The following CD101 variants were observed in gnomAD, a reference collection of about 807,000 sequenced individuals.
CD101 encodes the protein CD101 molecule.
In CD101, 76 loss-of-function variants were observed where a neutral mutation model predicts 98.2. The ratio of observed to expected loss-of-function variants is 0.77; its 90% CI spans 0.64 to 0.94. The LOEUF (loss-of-function observed/expected upper bound fraction) is 0.94. Among genes scored for constraint, CD101 ranks in the 40% least tolerant of loss-of-function variants. The pLI is 0.00. For synonymous variants in CD101, 471 were observed against 472.7 expected (o/e 1.00, Z 0.05); for missense variants, 1,145 against 1,218.8 (o/e 0.94, Z 0.90).
At position 117,006,470 on chromosome 1, in the gene CD101, T is replaced by A. The variant is rs767976068; in HGVS notation, c.44-3380T>A. On this transcript the variant is annotated intron_variant, in intron 1 of 9. Transcript: ENST00000682167. The surrounding 1 kb of genome is among the most constrained non-coding windows in gnomAD (Gnocchi z 4.4). ...AATGTGATAGTCAAGTCCTTTCTGCTCTGGACCCAAAAATTGCTGTCCAGT... is the reference window on the plus strand; with the variant it reads ...AATGTGATAGTCAAGTCCTTTCTGCACTGGACCCAAAAATTGCTGTCCAGT... 2.0e-5 allele frequency among the ~76,000 whole-genome samples: 3 copies of A among 152,196 alleles called. No homozygotes were observed. Among genetic ancestry groups the A allele is most frequent in the Non-Finnish European group, 2.9e-5 (2 of 68,042 alleles).
In CD101 at chr1:117,012,195, A is replaced by G. The variant is rs183010665; in HGVS notation, c.841+229A>G. On this transcript the variant is annotated intron_variant, in intron 3 of 9. Transcript: ENST00000682167. The surrounding 1 kb of genome is among the most constrained non-coding windows in gnomAD (Gnocchi z 4.0). ...GGGATAAGGTCTACTGAGTGGCTAG[A>G]TCGATTCCACAAGCCAGTCATGGAA... 3.9e-3 allele frequency among the ~76,000 whole-genome samples: 600 copies of G among 152,310 alleles called. 8 individuals are homozygous for G. Among genetic ancestry groups the G allele is most frequent in the African/African-American group, 0.013 (532 of 41,568 alleles).
At chr1:117,009,342 A>G (rs1017168787) in intron 1 of CD101, among the ~76,000 whole-genome samples, 3 of 152,252 alleles carry the variant, frequency 2.0e-5, no homozygotes, top group Admixed American at 2.0e-4. Context: ...GTCTTGCAAC[A>G]GACCTGGCTA....
Position 117,011,839 on chromosome 1 carries a change from G to C in CD101, c.714G>C (p.Arg238Ser), listed in dbSNP as rs1456366383. The change falls in exon 3 of 10, where the codon AGG becomes AGC. Residue 238 changes from arginine (R) to serine (S), a missense_variant. Coordinates refer to ENST00000682167, the MANE Select transcript of CD101 (RefSeq NM_001256106.3). ...GPTTFRLSIERLQSSDQGQLF... is the reference protein window; with the variant it reads ...GPTTFRLSIESLQSSDQGQLF... ...CTACATTCAGGCTGTCCATAGAGAG[G>C]CTCCAGTCCTCAGATCAGGGTCAGC... 5 of 1,614,122 alleles carry C rather than the reference G, an allele frequency of 3.1e-6. No homozygotes were observed. The highest frequency in any genetic ancestry group is 3.4e-6 in the Non-Finnish European group (4 of 1,180,020).
intron 4 of CD101, among the ~76,000 whole-genome samples, chr1:117,016,697 G>A (rs1653240093): frequency 6.6e-6 from 1 of 152,092 alleles, no homozygotes; most frequent in South Asian, 2.1e-4. Context: ...TATCTCTACA[G>A]AAAATTTAAA....
In CD101 at chr1:117,010,027, G is replaced by C. The variant is rs769857353; in HGVS notation, c.221G>C (p.Ser74Thr). Residue 74 changes from serine to threonine, a missense_variant, in exon 2 of 10, where the codon AGC becomes ACC. By Grantham distance (58) the Ser-to-Thr change is moderately conservative. Transcript: ENST00000682167. The surrounding 1 kb of genome is among the most constrained non-coding windows in gnomAD (Gnocchi z 5.2). ...TNPTQEVQIISTKDAAFSYAV... is the reference protein window; with the variant it reads ...TNPTQEVQIITTKDAAFSYAV... ...CCGACCCAGGAAGTCCAGATCATTAGCACCAAGGATGCTGCCTTCTCTTAC... is the reference window on the plus strand; with the variant it reads ...CCGACCCAGGAAGTCCAGATCATTACCACCAAGGATGCTGCCTTCTCTTAC... 2 of 1,614,196 alleles carry C rather than the reference G, an allele frequency of 1.2e-6. No homozygotes were observed. The highest frequency in any genetic ancestry group is 4.5e-5 in the East Asian group (2 of 44,886).
Position 117,010,223 on chromosome 1 carries a change from T to C in CD101, c.417T>C (p.Asn139=), listed in dbSNP as rs1652807626. 6.2e-7 allele frequency: 1 copy of C among 1,606,746 alleles called. No individual in the cohort carries two copies. Among genetic ancestry groups the C allele is most frequent in the Non-Finnish European group, 8.5e-7 (1 of 1,174,488 alleles). Residue 139 remains asparagine (N), a synonymous_variant, in exon 2 of 10, where the codon AAT becomes AAC. Coordinates refer to ENST00000682167, the MANE Select transcript of CD101 (RefSeq NM_001256106.3). This position sits in a 1 kb window ranked among gnomAD's most constrained non-coding sequence, Gnocchi z 5.2. ...ATGGAAGTTACAGTGCAAAGACTAA[T>C]CTAATTGGTAAGTTGCTTGTCCACT... ...KYYGSYSAKT[N]LIVIPDTLSA...
At position 117,017,070 on chromosome 1, in the gene CD101, C is replaced by T. The variant is rs1462573283; in HGVS notation, c.1229-20C>T. The stretch of plus-strand genomic sequence containing the variant: ...ATTTACCTAAAACAGTTTTGTTCTT[C>T]TATAATCTGTAACTCACAGCAAGAA... On this transcript the variant is annotated intron_variant, in intron 4 of 9. Transcript: ENST00000682167. 6.2e-7 allele frequency: 1 copy of T among 1,603,966 alleles called. No homozygotes were observed. Among genetic ancestry groups the T allele is most frequent in the Admixed American group, 1.7e-5 (1 of 59,354 alleles).
Position 117,021,557 on chromosome 1 carries a change from A to G in CD101, c.2018-16A>G, listed in dbSNP as rs753661921. 3.2e-6 allele frequency: 5 copies of G among 1,546,390 alleles called. No individual in the cohort carries two copies. The highest frequency in any genetic ancestry group is 4.3e-6 in the Non-Finnish European group (5 of 1,152,124). ...TATTTCATAGCAAAGTAACTGTTTC[A>G]TTTTTTTAAATTTAGAGAGCAAGCT... On this transcript the variant is annotated splice_polypyrimidine_tract_variant and intron_variant, in intron 6 of 9. Coordinates refer to ENST00000682167, the MANE Select transcript of CD101 (RefSeq NM_001256106.3). This position sits in a 1 kb window ranked among gnomAD's most constrained non-coding sequence, Gnocchi z 4.7.
At chr1:117,034,202 C>A (rs928398202) in intron 9 of CD101, 68 bp downstream of exon 9, 3 of 1,432,828 alleles carry the variant, frequency 2.1e-6, no homozygotes, top group South Asian at 2.6e-5. Flanking sequence ...ACTATGTCTG[C>A]GGCCTTGGGC....
chr1:117,017,272 C>T lies in CD101; in HGVS notation c.1411C>T (p.Leu471=), dbSNP rs1487022059. 6.2e-7 allele frequency: 1 copy of T among 1,614,214 alleles called. No individual in the cohort carries two copies. Among genetic ancestry groups the T allele is most frequent in the Admixed American group, 1.7e-5 (1 of 60,026 alleles). Residue 471 remains leucine, a synonymous_variant, in exon 5 of 10, where the codon CTG becomes TTG. Coordinates refer to ENST00000682167, the MANE Select transcript of CD101 (RefSeq NM_001256106.3). The part of the protein sequence containing the change: ...AGMGQDGIVQ[L]GASYGVPSYH... ...CATGGGGCAGGATGGCATTGTGCAG[C>T]TGGGTGCCTCCTATGGGGTACCCAG...
At chr1:117,034,163 G>A in intron 9 of CD101, 29 bp downstream of exon 9, 1 of 1,582,332 alleles carries the variant, frequency 6.3e-7, no homozygotes, top group Non-Finnish European at 8.6e-7. Flanking sequence ...GGCTAACCAG[G>A]GTGTGAATGA....
intron 8 of CD101, among the ~76,000 whole-genome samples, chr1:117,031,585 C>T (rs1056971264): frequency 4.6e-5 from 7 of 152,178 alleles, no homozygotes; most frequent in Non-Finnish European, 8.8e-5. Context: ...TCTGTAGGCT[C>T]CAGCCCTGTT....
chr1:117,025,984 C>A (rs1235412200), intron 8 of CD101, 80 bp downstream of exon 8: 5 of 1,434,942 alleles, frequency 3.5e-6, no homozygotes, highest in African/African-American at 1.4e-5. Flanking sequence ...TCTCACCTAT[C>A]TTTTGCTCCT....
intron 8 of CD101, among the ~76,000 whole-genome samples, chr1:117,028,356 G>C (rs1265840477): frequency 1.3e-5 from 2 of 152,200 alleles, no homozygotes; most frequent in Non-Finnish European, 1.5e-5. Context: ...CTCTAGCTTA[G>C]ATGGATAGTC....
chr1:117,010,949 A>G lies in CD101; in HGVS notation c.425-601A>G, dbSNP rs1052271086. On this transcript the variant is annotated intron_variant, in intron 2 of 9. Transcript: ENST00000682167. This position sits in a 1 kb window ranked among gnomAD's most constrained non-coding sequence, Gnocchi z 5.2. ...TTCTACTCAGTGGCTAGCACCGAGT[A>G]GACGCTCAGTCACATTCATTGATTA... 1.3e-5 allele frequency among the ~76,000 whole-genome samples: 2 copies of G among 152,216 alleles called. No homozygotes were observed. Among genetic ancestry groups the G allele is most frequent in the African/African-American group, 4.8e-5 (2 of 41,458 alleles).
At chr1:117,032,714 T>G (rs924048890) in intron 8 of CD101, among the ~76,000 whole-genome samples, 1 of 152,254 alleles carries the variant, frequency 6.6e-6, no homozygotes, top group African/African-American at 2.4e-5. Flanking sequence ...ATTGGAAGAC[T>G]ACATTTAGTA....
At position 117,033,622 on chromosome 1, in the gene CD101, C is replaced by G. The variant is rs566822524; in HGVS notation, c.2825-238C>G. Among the ~76,000 whole-genome samples, 1 of 152,060 alleles carries G rather than the reference C, an allele frequency of 6.6e-6. No homozygotes were observed. The highest frequency in any genetic ancestry group is 1.5e-5 in the Non-Finnish European group (1 of 68,018). On this transcript the variant is annotated intron_variant, in intron 8 of 9. Transcript: ENST00000682167. The surrounding 1 kb of genome is among the most constrained non-coding windows in gnomAD (Gnocchi z 4.8). ...GTTAGTTTTAAGTAGGTCATTGGAACCTCCAGTGGTTGGAAATCGCAGGGC... is the reference window on the plus strand; with the variant it reads ...GTTAGTTTTAAGTAGGTCATTGGAAGCTCCAGTGGTTGGAAATCGCAGGGC...
At position 117,021,459 on chromosome 1, in the gene CD101, G is replaced by T; in HGVS notation, c.2018-114G>T. ...GCAGTGAGTGGGGCTACTGTAGAGG[G>T]AGTTCACCCATATGATGGCGGGAGG... On this transcript the variant is annotated intron_variant, in intron 6 of 9. Transcript: ENST00000682167. The surrounding 1 kb of genome is among the most constrained non-coding windows in gnomAD (Gnocchi z 4.7). 1 of 818,826 alleles carries T rather than the reference G, an allele frequency of 1.2e-6. No homozygotes were observed. 50.7% of individuals were successfully genotyped at this position (818,826 alleles called of 1,614,324 possible).
intron 4 of CD101, 44 bp from the exon 5 acceptor site, chr1:117,017,046 T>C: frequency 6.4e-7 from 1 of 1,556,560 alleles, no homozygotes; most frequent in Non-Finnish European, 8.7e-7. Flanking sequence ...ACATTTCTTA[T>C]TTACCTAAAA....
Sources: gnomAD v4.1 joint callset for allele counts (sites outside exome capture counted in the v4.1 genomes callset) on GRCh38, gnomAD v4.1.1 for gene constraint, Gnocchi (gnomAD v3.1) non-coding constraint, MANE v1.5 for transcripts, NCBI Gene and HGNC (gene_info 2026-07-23, HGNC 2026-07-21) for gene names.